The following TPD52L2 variants were observed in gnomAD, a reference collection of about 807,000 sequenced individuals.
TPD52L2 encodes the protein tumor protein D54.
In TPD52L2, 19 loss-of-function variants were observed where a neutral mutation model predicts 24.7. The observed-to-expected ratio is 0.77, with a 90% confidence interval of 0.54 to 1.13. The LOEUF is 1.13. Ranked by LOEUF, TPD52L2 falls within the 50% of genes most tolerant of loss-of-function variation. The pLI is 0.00. For synonymous variants in TPD52L2, 104 were observed against 100.2 expected, an observed-to-expected ratio of 1.04 and a Z score of -0.23; for missense variants, 236 against 250.4, an observed-to-expected ratio of 0.94 and a Z score of 0.39.
intron 5 of TPD52L2, among the ~76,000 whole-genome samples, chr20:63,883,049 G>A (rs1479068813): frequency 6.6e-6 from 1 of 152,184 alleles, no homozygotes; most frequent in East Asian, 1.9e-4. Context: ...GGGAGGGTTG[G>A]CTGCCAGTGC....
At chr20:63,880,961 GT>G (rs2052871966) in intron 4 of TPD52L2, among the ~76,000 whole-genome samples, 1 of 151,972 alleles carries the variant, frequency 6.6e-6, no homozygotes, top group African/African-American at 2.4e-5. Context: ...TATAACTGGT[GT>G]TTTATTAATA....
At chr20:63,880,459 T>C (rs904251439) in intron 4 of TPD52L2, among the ~76,000 whole-genome samples, 1 of 150,958 alleles carries the variant, frequency 6.6e-6, no homozygotes, top group Non-Finnish European at 1.5e-5. Context: ...CCCCACTCTT[T>C]AGGCACAAAT....
At chr20:63,875,704 G>A in intron 3 of TPD52L2, 112 bp from the exon 4 acceptor site, 2 of 1,110,882 alleles carry the variant, frequency 1.8e-6, no homozygotes, top group Non-Finnish European at 2.7e-6. Flanking sequence ...CTGTGGAGTT[G>A]ATGTTCCTGC....
At chr20:63,875,795 C>T in intron 3 of TPD52L2, 21 bp from the exon 4 acceptor site, 1 of 1,613,260 alleles carries the variant, frequency 6.2e-7, no homozygotes, top group Non-Finnish European at 8.5e-7. Flanking sequence ...AAATAATTCA[C>T]TGTAGACTTT....
intron 5 of TPD52L2, chr20:63,886,033 A>G (rs748504087): frequency 6.2e-7 from 1 of 1,612,900 alleles, no homozygotes; most frequent in Non-Finnish European, 8.5e-7. Context: ...CCATTTTCAC[A>G]CTCCTTTAGG....
At chr20:63,889,620 G>A (rs531700121) in intron 6 of TPD52L2, among the ~76,000 whole-genome samples, 2 of 152,202 alleles carry the variant, frequency 1.3e-5, no homozygotes, top group Non-Finnish European at 2.9e-5. Flanking sequence ...AGAATGTCAC[G>A]TAAATGGAAC....
chr20:63,865,452 G>A, intron 1 of TPD52L2, 68 bp downstream of exon 1: 2 of 1,487,202 alleles, frequency 1.3e-6, no homozygotes, highest in Non-Finnish European at 1.8e-6. Flanking sequence ...CGTCTCCCGG[G>A]GTCGCGTCTG....
rs560527610 is a variant in TPD52L2 at position 63,884,630 on chromosome 20, C to T, written c.476+1810C>T. 4.6e-5 allele frequency among the ~76,000 whole-genome samples: 7 copies of T among 152,364 alleles called. No individual in the cohort carries two copies. In the South Asian group the frequency reaches 1.0e-3, roughly 23 times the overall value. On this transcript the variant is annotated intron_variant, in intron 5 of 6. Coordinates refer to ENST00000346249, the MANE Select transcript of TPD52L2 (RefSeq NM_003288.4). Reference sequence around the variant, plus strand: ...CTTCTCTGATGGGGAGAAAGGCTTTCGCTCTCTGCTCAGTCCTGGGGTTGG... The same window carrying T: ...CTTCTCTGATGGGGAGAAAGGCTTTTGCTCTCTGCTCAGTCCTGGGGTTGG...
intron 5 of TPD52L2, chr20:63,887,095 C>T: frequency 4.1e-6 from 1 of 242,134 alleles, no homozygotes; most frequent in Non-Finnish European, 8.2e-6. Flanking sequence ...GGCCCTCCTG[C>T]AGACCAGAGC....
rs2146260140 is a variant in TPD52L2, at chr20:63,891,302, T to C, written c.*1357T>C. 1 of 152,670 alleles carries C rather than the reference T, an allele frequency of 6.6e-6. No homozygotes were observed. The highest frequency in any genetic ancestry group is 2.1e-4 in the South Asian group (1 of 4,820). 9.5% of individuals were successfully genotyped at this position (152,670 alleles called of 1,614,324 possible). ...AAGGTGTCCTGTTCGGTAGAGCAAGTGTCCTCTGACAGCCGTGTCCCCGGA... is the reference window on the plus strand; with the variant it reads ...AAGGTGTCCTGTTCGGTAGAGCAAGCGTCCTCTGACAGCCGTGTCCCCGGA... On this transcript the variant is annotated 3_prime_UTR_variant, in exon 7 of 7. Coordinates refer to ENST00000346249, the MANE Select transcript of TPD52L2 (RefSeq NM_003288.4). The surrounding 1 kb of genome is among the most constrained non-coding windows in gnomAD (Gnocchi z 4.7).
Position 63,890,722 on chromosome 20 carries a change from T to TG in TPD52L2, c.*778dup, listed in dbSNP as rs1263839956. The TG allele has an allele frequency of 1.3e-5, 2 of 152,580 alleles. No homozygotes were observed. Among genetic ancestry groups the TG allele is most frequent in the Admixed American group, 1.3e-4 (2 of 15,288 alleles). The allele number at this position is 152,580 out of a possible 1,614,324, so 9.5% of individuals were successfully genotyped here. Reference sequence around the variant, plus strand: ...ATTGTGTGGAATTTTACACCTGGCCTGCGTGGCAGCCTCTTCCAGTTGAGG... The same window carrying TG: ...ATTGTGTGGAATTTTACACCTGGCCTGGCGTGGCAGCCTCTTCCAGTTGAGG... On this transcript the variant is annotated 3_prime_UTR_variant, in exon 7 of 7. Transcript: ENST00000346249.
intron 3 of TPD52L2, 67 bp downstream of exon 3, chr20:63,873,883 G>A: frequency 7.1e-7 from 1 of 1,408,732 alleles, no homozygotes; most frequent in Admixed American, 3.5e-5. Context: ...GCCCCGGCAT[G>A]TGGGGGGGCG....
chr20:63,868,244 C>T (rs1362552386), intron 1 of TPD52L2, among the ~76,000 whole-genome samples: 1 of 152,154 alleles, frequency 6.6e-6, no homozygotes, highest in Non-Finnish European at 1.5e-5. Flanking sequence ...ATGTTTTGGT[C>T]AACAGGGAAA....
chr20:63,876,715 G>A (rs2052692404), intron 4 of TPD52L2: 2 of 454,820 alleles, frequency 4.4e-6, no homozygotes, highest in Non-Finnish European at 8.8e-6. Context: ...GGTCCTGGGG[G>A]ACCAGGCTGG....
chr20:63,866,477 T>G (rs1350421806), intron 1 of TPD52L2, among the ~76,000 whole-genome samples: 1 of 151,892 alleles, frequency 6.6e-6, no homozygotes, highest in Non-Finnish European at 1.5e-5. Flanking sequence ...TTTTGTTTTT[T>G]TGAGATGGAG....
chr20:63,884,633 T>G (rs1338614191), intron 5 of TPD52L2, among the ~76,000 whole-genome samples: 2 of 152,228 alleles, frequency 1.3e-5, no homozygotes, highest in East Asian at 3.8e-4. Flanking sequence ...AGGCTTTCGC[T>G]CTCTGCTCAG....
rs559121116 is a variant in TPD52L2, at chr20:63,883,510, C to T, written c.476+690C>T. On this transcript the variant is annotated intron_variant, in intron 5 of 6. Transcript: ENST00000346249. ...CTGGGCACCCCAGCTGGGCCTCAGG[C>T]ACGCCTTCTTTCACAGGGGTTGTAG... 1.9e-4 allele frequency among the ~76,000 whole-genome samples: 29 copies of T among 152,324 alleles called. No homozygotes were observed. The South Asian group carries it at 6.0e-3, about 32-fold the overall frequency.
At chr20:63,887,413 C>T (rs3795157) in intron 5 of TPD52L2, 415,172 of 895,116 alleles carry the variant, frequency 0.46, 104,365 homozygotes, top group East Asian at 0.85. Context: ...GAGTTTCCTT[C>T]GGGGGCATTG....
At chr20:63,884,552 C>CT (rs1483806343) in intron 5 of TPD52L2, among the ~76,000 whole-genome samples, 4 of 152,192 alleles carry the variant, frequency 2.6e-5, no homozygotes, top group Non-Finnish European at 4.4e-5. Context: ...TTTGTATGGC[C>CT]TGTTTTTCTC....
Sources: allele counts gnomAD v4.1 joint callset (sites outside exome capture counted in the v4.1 genomes callset), GRCh38; gene constraint gnomAD v4.1.1; non-coding constraint Gnocchi (gnomAD v3.1); transcripts MANE v1.5; gene names NCBI Gene and HGNC (gene_info 2026-07-23, HGNC 2026-07-21).